The following DYNC1I2 variants were observed in gnomAD, a reference collection of about 807,000 sequenced individuals.
DYNC1I2 encodes the protein cytoplasmic dynein 1 intermediate chain 2.
DYNC1I2 carries 53 observed loss-of-function variants against 88.6 expected under a neutral mutation model. The observed-to-expected ratio is 0.60, with a 90% CI of 0.48 to 0.75. DYNC1I2 has a LOEUF of 0.75. Ranked by LOEUF, DYNC1I2 falls within the 30% of genes least tolerant of loss-of-function variation. The pLI is 0.00. For synonymous variants in DYNC1I2, 198 were observed against 254.6 expected, an observed-to-expected ratio of 0.78 and a Z score of 2.12; for missense variants, 458 against 766.6, an observed-to-expected ratio of 0.60 and a Z score of 4.75.
intron 7 of DYNC1I2, among the ~76,000 whole-genome samples, chr2:171,724,691 T>C (rs1373203676): frequency 1.3e-5 from 2 of 152,268 alleles, no homozygotes; most frequent in Non-Finnish European, 2.9e-5. Context: ...TTACTTGAAC[T>C]GCACTCTGGT....
At chr2:171,713,988 A>C (rs1221091855) in intron 6 of DYNC1I2, among the ~76,000 whole-genome samples, 2 of 152,120 alleles carry the variant, frequency 1.3e-5, no homozygotes. Flanking sequence ...TTTTTCTGTT[A>C]GACTCTGTAT....
At chr2:171,726,612 T>A (rs1351651946) in intron 10 of DYNC1I2, 179 bp from the exon 11 acceptor site, 16 of 634,862 alleles carry the variant, frequency 2.5e-5, no homozygotes, top group Non-Finnish European at 3.7e-5. Context: ...AATAATTAAC[T>A]GTTCTAATTT....
chr2:171,693,277 T>G (rs1323261270), intron 3 of DYNC1I2, among the ~76,000 whole-genome samples: 1 of 152,190 alleles, frequency 6.6e-6, no homozygotes, highest in Non-Finnish European at 1.5e-5. Flanking sequence ...AGACTTATAT[T>G]GTTAGAATGC....
intron 16 of DYNC1I2, 130 bp downstream of exon 16, chr2:171,744,319 T>C: frequency 5.1e-6 from 5 of 985,800 alleles, no homozygotes; most frequent in Non-Finnish European, 7.2e-6. Flanking sequence ...CACAAAGAAC[T>C]CAAATAAGCT....
chr2:171,707,368 T>G lies in DYNC1I2; in HGVS notation c.326T>G (p.Val109Gly). 1 of 1,613,178 alleles carries G rather than the reference T, an allele frequency of 6.2e-7. No homozygotes were observed. Among genetic ancestry groups the G allele is most frequent in the South Asian group, 1.1e-5 (1 of 90,852 alleles). Residue 109 changes from valine to glycine, a missense_variant, in exon 5 of 18, where the codon GTG becomes GGG. By Grantham distance (109) the Val-to-Gly change is moderately radical (BLOSUM62 -3). This residue lies in a region of DYNC1I2 where 203 missense variants were observed against 354.2 expected (regional missense o/e 0.57). Coordinates refer to ENST00000397119, the MANE Select transcript of DYNC1I2 (RefSeq NM_001378.3). ...AGCCAAGACTCTGGAGATGGCGCCGTGGGATCTAGGTACAGTAATTTTCCT... is the reference window on the plus strand; with the variant it reads ...AGCCAAGACTCTGGAGATGGCGCCGGGGGATCTAGGTACAGTAATTTTCCT... ...AGSQDSGDGA[V>G]GSRTLHWDTD...
At chr2:171,687,706 C>A (rs1267235468) in intron 1 of DYNC1I2, 79 bp downstream of exon 1, 2 of 152,372 alleles carry the variant, frequency 1.3e-5, no homozygotes. Context: ...TCTGGTGAGG[C>A]TATTTGTCCC....
At chr2:171,692,431 A>G (rs1265596583) in intron 2 of DYNC1I2, among the ~76,000 whole-genome samples, 1 of 151,966 alleles carries the variant, frequency 6.6e-6, no homozygotes, top group Non-Finnish European at 1.5e-5. Context: ...CTTTTGTGCC[A>G]CTTGGGGGAA....
chr2:171,692,652 A>C lies in DYNC1I2; in HGVS notation c.109-125A>C, dbSNP rs189878213. On this transcript the variant is annotated intron_variant, in intron 2 of 17. Coordinates refer to ENST00000397119, the MANE Select transcript of DYNC1I2 (RefSeq NM_001378.3). ...CATTTAATGACTATAAAAAGAACTT[A>C]ACCTGTACTCAAAACTAAGTTCATG... is the stretch of plus-strand genomic sequence containing the variant. 4.4e-4 allele frequency: 271 copies of C among 614,498 alleles called. 2 individuals are homozygous for C. Among genetic ancestry groups the C allele is most frequent in the African/African-American group, 4.4e-3 (235 of 53,914 alleles). The allele number at this position is 614,498 out of a possible 1,614,324, so 38.1% of individuals were successfully genotyped here.
chr2:171,700,031 G>A (rs1169349903), intron 3 of DYNC1I2, among the ~76,000 whole-genome samples: 1 of 152,046 alleles, frequency 6.6e-6, no homozygotes, highest in Non-Finnish European at 1.5e-5. Context: ...GAATTTGGTA[G>A]CAGCTTAGCT....
intron 5 of DYNC1I2, among the ~76,000 whole-genome samples, chr2:171,710,326 G>T (rs2105565310): frequency 6.6e-6 from 1 of 152,184 alleles, no homozygotes; most frequent in East Asian, 1.9e-4. Context: ...AACTCATATT[G>T]AGCAAACACG....
chr2:171,749,345 T>C lies in DYNC1I2; in HGVS notation c.*1456T>C, dbSNP rs143420099. 3.0e-3 allele frequency among the ~76,000 whole-genome samples: 450 copies of C among 152,242 alleles called. 6 individuals are homozygous for C. Among genetic ancestry groups the C allele is most frequent in the African/African-American group, 0.01 (424 of 41,568 alleles). Reference sequence around the variant, plus strand: ...GGGTATCAGTATGTGAAATGGAATATAGAAAAGTAGGCAATTCTTTACTTT... The same window carrying C: ...GGGTATCAGTATGTGAAATGGAATACAGAAAAGTAGGCAATTCTTTACTTT... On this transcript the variant is annotated 3_prime_UTR_variant, in exon 18 of 18. Transcript: ENST00000397119.
chr2:171,702,274 G>A (rs1686318838), intron 3 of DYNC1I2, among the ~76,000 whole-genome samples: 1 of 152,160 alleles, frequency 6.6e-6, no homozygotes, highest in African/African-American at 2.4e-5. Context: ...TCTAAATGAT[G>A]TTTCCCTTTC....
At chr2:171,702,962 C>G (rs549222188) in intron 3 of DYNC1I2, among the ~76,000 whole-genome samples, 102 of 152,240 alleles carry the variant, frequency 6.7e-4, no homozygotes, top group African/African-American at 2.3e-3. Context: ...TGGCTTTAAG[C>G]GATCCTCCTG....
intron 15 of DYNC1I2, among the ~76,000 whole-genome samples, chr2:171,731,596 TTTAAAAA>T (rs1488238883): frequency 1.3e-5 from 2 of 152,002 alleles, no homozygotes; most frequent in Non-Finnish European, 2.9e-5. Flanking sequence ...TTACAAAAAA[TTTAAAAA>T]TTAGCCATGC....
chr2:171,743,260 A>C (rs1689568345), intron 15 of DYNC1I2, among the ~76,000 whole-genome samples: 2 of 152,216 alleles, frequency 1.3e-5, no homozygotes, highest in Non-Finnish European at 2.9e-5. Flanking sequence ...AAAGGTCTTC[A>C]TCCTTATCAT....
At chr2:171,701,306 A>C (rs1469395199) in intron 3 of DYNC1I2, among the ~76,000 whole-genome samples, 2 of 152,112 alleles carry the variant, frequency 1.3e-5, no homozygotes, top group Non-Finnish European at 2.9e-5. Flanking sequence ...AGTAGCTGGG[A>C]TTACAGACAT....
chr2:171,709,288 C>G (rs1216692687), intron 5 of DYNC1I2, among the ~76,000 whole-genome samples: 1 of 151,906 alleles, frequency 6.6e-6, no homozygotes, highest in African/African-American at 2.4e-5. Flanking sequence ...AAAACATGTC[C>G]CCATGAGTTT....
chr2:171,694,903 CTG>C (rs898735081), intron 3 of DYNC1I2, among the ~76,000 whole-genome samples: 2 of 152,176 alleles, frequency 1.3e-5, no homozygotes, highest in African/African-American at 4.8e-5. Context: ...ACTTCCAACA[CTG>C]GGGATTACAT....
chr2:171,722,398 T>G (rs1160360065), intron 7 of DYNC1I2, among the ~76,000 whole-genome samples: 1 of 152,156 alleles, frequency 6.6e-6, no homozygotes, highest in Non-Finnish European at 1.5e-5. Flanking sequence ...GTTTATAACC[T>G]TAGATTCCTT....
Sources: allele counts gnomAD v4.1 joint callset (sites outside exome capture counted in the v4.1 genomes callset), GRCh38; gene constraint gnomAD v4.1.1; regional missense constraint gnomAD v4.1.1; transcripts MANE v1.5; gene names NCBI Gene and HGNC (gene_info 2026-07-23, HGNC 2026-07-21).